Variants in WDR49 observed in about 807,000 individuals in gnomAD.
WDR49 encodes WD repeat domain 49.
In WDR49, 107 loss-of-function variants were observed where a neutral mutation model predicts 119.5. The ratio of observed to expected loss-of-function variants is 0.90; its 90% CI spans 0.77 to 1.05. The LOEUF (loss-of-function observed/expected upper bound fraction) is 1.05. Ranked by LOEUF, WDR49 falls within the 50% of genes least tolerant of loss-of-function variation. WDR49 has a pLI of 0.00. For missense variants in WDR49, 1,240 were observed against 1,220.5 expected (o/e 1.02, Z -0.24); for synonymous variants, 425 against 418.8 (o/e 1.01, Z -0.18).
chr3:167,645,269 G>A (rs977574506), intron 2 of WDR49, among the ~76,000 whole-genome samples: 5 of 151,994 alleles, frequency 3.3e-5, no homozygotes, highest in African/African-American at 1.2e-4. Context: ...GAAGTGCAGT[G>A]GTGCAATCTC....
At chr3:167,486,801 T>A (rs1750939123) in intron 18 of WDR49, among the ~76,000 whole-genome samples, 1 of 152,014 alleles carries the variant, frequency 6.6e-6, no homozygotes, top group South Asian at 2.1e-4. Flanking sequence ...AATACCCCAC[T>A]GACAACATTA....
chr3:167,591,025 T>C (rs923736457), intron 7 of WDR49, among the ~76,000 whole-genome samples: 3 of 152,174 alleles, frequency 2.0e-5, no homozygotes, highest in South Asian at 2.1e-4. Flanking sequence ...TTTGAAGTTT[T>C]TTCTCTTTTT....
intron 18 of WDR49, among the ~76,000 whole-genome samples, chr3:167,492,287 A>T (rs974804842): frequency 5.9e-5 from 9 of 152,128 alleles, no homozygotes; most frequent in Non-Finnish European, 1.2e-4. Flanking sequence ...AATAAGAGCA[A>T]GAATAAGCTA....
intron 10 of WDR49, among the ~76,000 whole-genome samples, chr3:167,543,035 C>T (rs1711939614): frequency 6.6e-6 from 1 of 151,778 alleles, no homozygotes. Flanking sequence ...ACAAACTGGA[C>T]AATCCAGAGG....
chr3:167,613,173 A>G (rs1164929080), intron 5 of WDR49, among the ~76,000 whole-genome samples: 2 of 152,204 alleles, frequency 1.3e-5, no homozygotes, highest in African/African-American at 4.8e-5. Flanking sequence ...AAATATATAC[A>G]CCTACTCTGT....
intron 7 of WDR49, among the ~76,000 whole-genome samples, chr3:167,576,759 C>G (rs1714271758): frequency 6.6e-6 from 1 of 152,116 alleles, no homozygotes; most frequent in Non-Finnish European, 1.5e-5. Context: ...TTCCAACCTA[C>G]AGAACACAAA....
chr3:167,579,824 A>G (rs1225757224), intron 7 of WDR49, among the ~76,000 whole-genome samples: 2 of 152,104 alleles, frequency 1.3e-5, no homozygotes, highest in Non-Finnish European at 2.9e-5. Flanking sequence ...TCAAATACTC[A>G]TATTACTAAT....
intron 18 of WDR49, among the ~76,000 whole-genome samples, chr3:167,481,829 C>T (rs115069638): frequency 0.015 from 2,230 of 152,218 alleles, 54 homozygotes; most frequent in African/African-American, 0.051. Context: ...AAGACTGGCC[C>T]GCATGATTCA....
chr3:167,621,949 A>T (rs1716894056), intron 3 of WDR49, among the ~76,000 whole-genome samples: 1 of 152,158 alleles, frequency 6.6e-6, no homozygotes, highest in African/African-American at 2.4e-5. Flanking sequence ...AGACTAAGGC[A>T]CAGAGATATA....
chr3:167,495,008 C>G (rs1751296814), intron 18 of WDR49, among the ~76,000 whole-genome samples: 1 of 152,146 alleles, frequency 6.6e-6, no homozygotes, highest in East Asian at 1.9e-4. Context: ...CTCATTCTCT[C>G]TGCCGAATTA....
At chr3:167,546,811 T>C (rs1284931437) in intron 10 of WDR49, among the ~76,000 whole-genome samples, 1 of 151,830 alleles carries the variant, frequency 6.6e-6, no homozygotes, top group African/African-American at 2.4e-5. Flanking sequence ...AACACAAGAA[T>C]TCAATTAACT....
At chr3:167,615,665 T>G (rs1280197916) in intron 5 of WDR49, among the ~76,000 whole-genome samples, 2 of 151,954 alleles carry the variant, frequency 1.3e-5, no homozygotes, top group Admixed American at 6.5e-5. Context: ...GAGACACAAG[T>G]GAAATTCTTT....
intron 15 of WDR49, 105 bp from the exon 16 acceptor site, chr3:167,522,589 G>T: frequency 8.7e-7 from 1 of 1,148,336 alleles, no homozygotes; most frequent in Non-Finnish European, 1.2e-6. Flanking sequence ...TCCTGGGGTG[G>T]GACACACAAG....
intron 5 of WDR49, among the ~76,000 whole-genome samples, chr3:167,610,341 A>G (rs1455262473): frequency 1.3e-5 from 2 of 152,200 alleles, no homozygotes; most frequent in African/African-American, 2.4e-5. Flanking sequence ...GTCAGGCAGC[A>G]CTGACGACAA....
intron 15 of WDR49, among the ~76,000 whole-genome samples, chr3:167,524,924 T>G (rs1027635947): frequency 1.3e-5 from 2 of 152,174 alleles, no homozygotes; most frequent in African/African-American, 4.8e-5. Context: ...TTAAAGTAGT[T>G]TTTTCCAGTT....
At chr3:167,619,716 C>A (rs1716775742) in intron 5 of WDR49, among the ~76,000 whole-genome samples, 4 of 152,074 alleles carry the variant, frequency 2.6e-5, no homozygotes, top group African/African-American at 9.7e-5. Flanking sequence ...AGTGGGCATT[C>A]TTTAGTGTAG....
intron 16 of WDR49, among the ~76,000 whole-genome samples, chr3:167,515,715 A>G (rs1322330224): frequency 6.6e-6 from 1 of 152,202 alleles, no homozygotes; most frequent in African/African-American, 2.4e-5. Flanking sequence ...TTTGCAGGTG[A>G]CATGATACTA....
At chr3:167,564,444 C>A (rs1173357730) in intron 8 of WDR49, among the ~76,000 whole-genome samples, 1 of 152,192 alleles carries the variant, frequency 6.6e-6, no homozygotes. Context: ...ATTCACTACA[C>A]GACAATGGAA....
intron 2 of WDR49, among the ~76,000 whole-genome samples, chr3:167,643,936 A>G (rs1717998062): frequency 6.6e-6 from 1 of 152,012 alleles, no homozygotes. Context: ...AAATAAGTCA[A>G]AATAGAATTA....
Sources: allele counts gnomAD v4.1 joint callset (sites outside exome capture counted in the v4.1 genomes callset), GRCh38; gene constraint gnomAD v4.1.1; transcripts MANE v1.5; gene names NCBI Gene and HGNC (gene_info 2026-07-23, HGNC 2026-07-21).